Variants in STK32B observed in about 807,000 individuals in gnomAD.
STK32B encodes the protein serine/threonine-protein kinase 32B.
Under a neutral mutation model 52.6 loss-of-function variants are expected in STK32B, and 43 were observed. That is an observed-to-expected ratio of 0.82 (90% confidence interval 0.64 to 1.05). The LOEUF is 1.05. Ranked by LOEUF, STK32B falls within the 50% of genes least tolerant of loss-of-function variation. STK32B has a pLI of 0.00. For synonymous variants in STK32B, 238 were observed against 204.3 expected (o/e 1.17, Z -1.41); for missense variants, 621 against 534.6 (o/e 1.16, Z -1.59).
chr4:5,019,504 C>A, the STK32B span: 1 of 1,397,944 alleles, frequency 7.2e-7, no homozygotes. Flanking sequence ...GGGGGTGGTC[C>A]AGGGCGGCTC....
At chr4:5,164,611 C>T (rs1412424237) in intron 2 of STK32B, among the ~76,000 whole-genome samples, 1 of 152,210 alleles carries the variant, frequency 6.6e-6, no homozygotes, top group Non-Finnish European at 1.5e-5. Flanking sequence ...TGGTCAGATT[C>T]TGGAGTGGGC....
chr4:5,122,173 TCTTCACTC>T (rs1715064500), intron 1 of STK32B, among the ~76,000 whole-genome samples: 2 of 149,866 alleles, frequency 1.3e-5, no homozygotes, highest in South Asian at 4.2e-4. Context: ...CTTATTCACT[TCTTCACTC>T]CTTCACTCAC....
intron 1 of STK32B, among the ~76,000 whole-genome samples, chr4:5,123,862 CCAT>C (rs5855839): frequency 0.87 from 132,368 of 151,538 alleles, 58,255 homozygotes; most frequent in South Asian, 0.94. Flanking sequence ...ACCACCACCA[CCAT>C]CATCAATCTC....
chr4:5,458,233 G>A (rs114319957), intron 8 of STK32B, among the ~76,000 whole-genome samples: 4,222 of 152,300 alleles, frequency 0.028, 109 homozygotes, highest in Non-Finnish European at 0.04. Flanking sequence ...TTGGTGCCCT[G>A]CCTTTAAGGC....
intron 3 of STK32B, among the ~76,000 whole-genome samples, chr4:5,210,694 G>A (rs1560228817): frequency 6.6e-6 from 1 of 152,136 alleles, no homozygotes; most frequent in Non-Finnish European, 1.5e-5. Flanking sequence ...AGATAAATGG[G>A]CATTTAATCT....
intron 3 of STK32B, among the ~76,000 whole-genome samples, chr4:5,310,860 TA>T (rs907913299): frequency 1.3e-5 from 2 of 152,130 alleles, no homozygotes; most frequent in African/African-American, 4.8e-5. Context: ...TATTTAGCCA[TA>T]AAAAATGAAA....
intron 3 of STK32B, among the ~76,000 whole-genome samples, chr4:5,205,710 G>GCA (rs1722527237): frequency 2.4e-5 from 2 of 84,738 alleles, no homozygotes; most frequent in Admixed American, 1.0e-4. Flanking sequence ...GCGCGTGTGT[G>GCA]TGTGTGTGTG....
At chr4:5,207,933 C>T (rs755302356) in intron 3 of STK32B, among the ~76,000 whole-genome samples, 1 of 152,028 alleles carries the variant, frequency 6.6e-6, no homozygotes, top group Non-Finnish European at 1.5e-5. Context: ...CTTCTCTGTA[C>T]ATTTATTCAC....
intron 11 of STK32B, among the ~76,000 whole-genome samples, chr4:5,497,292 C>G (rs1306564133): frequency 3.3e-5 from 5 of 152,304 alleles, no homozygotes; most frequent in East Asian, 1.9e-4. Context: ...CAATTAAACA[C>G]AAGTGCTGAA....
chr4:5,313,163 GTGT>G (rs1279691430), intron 3 of STK32B, among the ~76,000 whole-genome samples: 2 of 151,110 alleles, frequency 1.3e-5, no homozygotes, highest in Admixed American at 6.6e-5. Context: ...GAATCCACCA[GTGT>G]ACAAAAAGAA....
intron 6 of STK32B, among the ~76,000 whole-genome samples, chr4:5,430,147 G>T (rs1050434670): frequency 2.0e-5 from 3 of 152,108 alleles, no homozygotes; most frequent in East Asian, 1.9e-4. Context: ...AAAATTCTTG[G>T]TCATTATCTC....
intron 1 of STK32B, chr4:5,139,520 T>C (rs527731420): frequency 5.0e-6 from 1 of 201,078 alleles, no homozygotes. Flanking sequence ...AAGGGGAGAA[T>C]TGAGAGAGTG....
chr4:5,409,042 C>A (rs974114828), intron 5 of STK32B, among the ~76,000 whole-genome samples: 1 of 152,096 alleles, frequency 6.6e-6, no homozygotes, highest in African/African-American at 2.4e-5. Context: ...GTTTACACCA[C>A]GGATGGGATG....
Position 5,051,886 on chromosome 4 carries a change from AGCCCC to A in STK32B, c.24_28del (p.Lys8AsnfsTer4). 6.2e-7 allele frequency: 1 copy of A among 1,600,564 alleles called. No homozygotes were observed. Among genetic ancestry groups the A allele is most frequent in the Non-Finnish European group, 8.5e-7 (1 of 1,173,962 alleles). On this transcript the variant is annotated frameshift_variant, in exon 1 of 12. Transcript: ENST00000282908. LOFTEE classifies it high-confidence loss of function. Reference sequence around the variant, plus strand: ...AATATGGGCGGGAACCACTCCCACAAGCCCCCCGTGTTTGACGAGAATGAGGAAGG... The same window carrying A: ...AATATGGGCGGGAACCACTCCCACAACCGTGTTTGACGAGAATGAGGAAGG...
intron 3 of STK32B, among the ~76,000 whole-genome samples, chr4:5,197,711 T>C (rs1721798363): frequency 6.6e-6 from 1 of 152,240 alleles, no homozygotes; most frequent in South Asian, 2.1e-4. Context: ...GTTTGGTACA[T>C]TGATAATCTT....
chr4:5,153,637 A>G (rs1717555720), intron 2 of STK32B, among the ~76,000 whole-genome samples: 1 of 152,192 alleles, frequency 6.6e-6, no homozygotes, highest in African/African-American at 2.4e-5. Flanking sequence ...CAAAGTAGAA[A>G]CAAGGCAAAG....
intron 1 of STK32B, among the ~76,000 whole-genome samples, chr4:5,104,451 A>G (rs977653595): frequency 6.6e-6 from 1 of 152,212 alleles, no homozygotes; most frequent in Non-Finnish European, 1.5e-5. Context: ...TAATACAATT[A>G]TTATCAGATT....
intron 3 of STK32B, among the ~76,000 whole-genome samples, chr4:5,276,016 T>C (rs1014975605): frequency 1.3e-5 from 2 of 152,138 alleles, no homozygotes; most frequent in African/African-American, 2.4e-5. Flanking sequence ...AGGCCGGGCA[T>C]GGTGGCTCAT....
intron 3 of STK32B, among the ~76,000 whole-genome samples, chr4:5,188,670 G>A (rs1437699509): frequency 1.3e-5 from 2 of 151,944 alleles, no homozygotes; most frequent in Non-Finnish European, 2.9e-5. Flanking sequence ...CTTTCACCTG[G>A]GAACACAATA....
Sources: allele counts gnomAD v4.1 joint callset (sites outside exome capture counted in the v4.1 genomes callset), GRCh38; gene constraint gnomAD v4.1.1; transcripts MANE v1.5; gene names NCBI Gene and HGNC (gene_info 2026-07-23, HGNC 2026-07-21).